The following RUNX2 variants were observed in gnomAD, a reference collection of about 807,000 sequenced individuals.
RUNX2 encodes the protein RUNX family transcription factor 2.
In RUNX2, 10 loss-of-function variants were observed where a neutral mutation model predicts 51.7. That is an observed-to-expected ratio of 0.19 (90% CI 0.12 to 0.33). RUNX2 has a LOEUF of 0.33. RUNX2 is among the 10% of genes least tolerant of loss of function. The probability of loss-of-function intolerance (pLI) is 1.00; values close to 1 mark genes in which losing one functional copy is unlikely to be tolerated. For missense variants in RUNX2, 562 were observed against 691.3 expected (o/e 0.81, Z 2.10); for synonymous variants, 276 against 273.6 (o/e 1.01, Z -0.09).
intron 5 of RUNX2, 36 bp downstream of exon 5, chr6:45,438,087 A>C (rs1477975179): frequency 7.8e-7 from 1 of 1,278,996 alleles, no homozygotes; most frequent in East Asian, 2.3e-5. Context: ...AAAGTAATAG[A>C]GTTTCCAGAG....
intron 8 of RUNX2, among the ~76,000 whole-genome samples, chr6:45,546,289 T>C (rs1290291472): frequency 1.3e-5 from 2 of 152,156 alleles, no homozygotes; most frequent in African/African-American, 2.4e-5. Flanking sequence ...TTTTAAATTC[T>C]TTAAAGGCCT....
At chr6:45,409,271 G>A (rs1563073243) in intron 2 of RUNX2, among the ~76,000 whole-genome samples, 1 of 152,160 alleles carries the variant, frequency 6.6e-6, no homozygotes, top group Non-Finnish European at 1.5e-5. Context: ...TATCTTCTCT[G>A]CACATCCTAA....
At chr6:45,494,684 A>C (rs774384092) in intron 6 of RUNX2, among the ~76,000 whole-genome samples, 1 of 152,172 alleles carries the variant, frequency 6.6e-6, no homozygotes, top group Non-Finnish European at 1.5e-5. Context: ...AACCAAGGAG[A>C]TGCAGTGTTC....
At chr6:45,459,139 C>A (rs1799402238) in intron 5 of RUNX2, among the ~76,000 whole-genome samples, 1 of 152,142 alleles carries the variant, frequency 6.6e-6, no homozygotes, top group Non-Finnish European at 1.5e-5. Flanking sequence ...TTTACTTTAG[C>A]TTGGGTTCTT....
chr6:45,337,052 A>T (rs927782444), intron 2 of RUNX2, among the ~76,000 whole-genome samples: 6 of 151,840 alleles, frequency 4.0e-5, no homozygotes, highest in African/African-American at 1.4e-4. Flanking sequence ...GCATAAAACT[A>T]CATAGCAACA....
chr6:45,367,512 C>T (rs1581956342), intron 2 of RUNX2, among the ~76,000 whole-genome samples: 1 of 152,016 alleles, frequency 6.6e-6, no homozygotes, highest in South Asian at 2.1e-4. Context: ...CAAAGGACTT[C>T]CCTAAATAGT....
intron 6 of RUNX2, among the ~76,000 whole-genome samples, chr6:45,503,536 G>A (rs1397121050): frequency 4.6e-5 from 7 of 152,040 alleles, no homozygotes; most frequent in Admixed American, 3.3e-4. Flanking sequence ...ACTATGATTC[G>A]AACTAAGGGC....
intron 2 of RUNX2, among the ~76,000 whole-genome samples, chr6:45,394,816 T>C (rs1797548206): frequency 1.3e-5 from 2 of 152,200 alleles, no homozygotes; most frequent in Admixed American, 6.5e-5. Context: ...CAGGCGTTGG[T>C]TAAGCAGAAC....
intron 2 of RUNX2, among the ~76,000 whole-genome samples, chr6:45,410,261 A>T (rs1415436691): frequency 1.3e-5 from 2 of 152,194 alleles, no homozygotes; most frequent in Non-Finnish European, 2.9e-5. Flanking sequence ...GCATGAATGG[A>T]GGCAGGGAGA....
chr6:45,535,692 G>A (rs907884642), intron 7 of RUNX2, among the ~76,000 whole-genome samples: 4 of 152,070 alleles, frequency 2.6e-5, no homozygotes, highest in Admixed American at 2.6e-4. Context: ...GGCTAAAGCA[G>A]GAATATATGA....
chr6:45,449,184 C>T (rs979250426), intron 5 of RUNX2, among the ~76,000 whole-genome samples: 1 of 152,192 alleles, frequency 6.6e-6, no homozygotes, highest in African/African-American at 2.4e-5. Flanking sequence ...TGACCTTAAG[C>T]AAACCACTAA....
intron 6 of RUNX2, among the ~76,000 whole-genome samples, chr6:45,504,973 A>T (rs1800916784): frequency 6.6e-6 from 1 of 152,220 alleles, no homozygotes; most frequent in African/African-American, 2.4e-5. Flanking sequence ...TACTCCCTGC[A>T]GACAGCTTTG....
At chr6:45,503,014 A>G (rs1375882521) in intron 6 of RUNX2, among the ~76,000 whole-genome samples, 1 of 152,176 alleles carries the variant, frequency 6.6e-6, no homozygotes, top group Non-Finnish European at 1.5e-5. Flanking sequence ...GGAACTGGAC[A>G]CGGGCCTAAA....
intron 2 of RUNX2, among the ~76,000 whole-genome samples, chr6:45,376,583 G>A (rs569830898): frequency 2.0e-5 from 3 of 152,332 alleles, no homozygotes; most frequent in Admixed American, 6.5e-5. Flanking sequence ...CTAGTGAAAA[G>A]TGCAGCCCTA....
At chr6:45,402,166 A>G (rs1286656232) in intron 2 of RUNX2, among the ~76,000 whole-genome samples, 1 of 152,202 alleles carries the variant, frequency 6.6e-6, no homozygotes, top group Non-Finnish European at 1.5e-5. Context: ...CACTTTCTAA[A>G]AATAATTTAA....
intron 7 of RUNX2, among the ~76,000 whole-genome samples, chr6:45,516,522 C>T (rs1212844662): frequency 2.6e-5 from 4 of 152,230 alleles, no homozygotes; most frequent in Non-Finnish European, 5.9e-5. Context: ...CATATGGCCT[C>T]ATCATATAAT....
chr6:45,408,674 T>G (rs1797887623), intron 2 of RUNX2, among the ~76,000 whole-genome samples: 1 of 152,046 alleles, frequency 6.6e-6, no homozygotes, highest in Admixed American at 6.6e-5. Flanking sequence ...ATGGAAGGAC[T>G]GCAGTATTTG....
chr6:45,394,725 G>A (rs1797546160), intron 2 of RUNX2, among the ~76,000 whole-genome samples: 1 of 152,108 alleles, frequency 6.6e-6, no homozygotes, highest in East Asian at 1.9e-4. Flanking sequence ...TCCTCCATGT[G>A]GAATGCTGGA....
intron 7 of RUNX2, among the ~76,000 whole-genome samples, chr6:45,522,145 A>T (rs1801525420): frequency 6.6e-6 from 1 of 152,146 alleles, no homozygotes; most frequent in Non-Finnish European, 1.5e-5. Flanking sequence ...CATTTCAGTC[A>T]TTTCAAGTCA....
Sources: allele counts gnomAD v4.1 joint callset (sites outside exome capture counted in the v4.1 genomes callset), GRCh38; gene constraint gnomAD v4.1.1; transcripts MANE v1.5; gene names NCBI Gene and HGNC (gene_info 2026-07-23, HGNC 2026-07-21).